The following PPFIA2 variants were observed in gnomAD, a reference collection of about 807,000 sequenced individuals.
PPFIA2 encodes the protein liprin-alpha-2.
In PPFIA2, 46 loss-of-function variants were observed where a neutral mutation model predicts 175.5. The ratio of observed to expected loss-of-function variants is 0.26; its 90% CI spans 0.21 to 0.34. The LOEUF (loss-of-function observed/expected upper bound fraction) is 0.34, where lower values mean the gene tolerates loss of function less well. PPFIA2 is among the 10% of genes least tolerant of loss of function. The pLI, the probability that PPFIA2 is intolerant of heterozygous loss-of-function variation, is 1.00. For synonymous variants in PPFIA2, 568 were observed against 511.4 expected, an observed-to-expected ratio of 1.11 and a Z score of -1.49; for missense variants, 1,179 against 1,506.1, an observed-to-expected ratio of 0.78 and a Z score of 3.60.
intron 4 of PPFIA2, among the ~76,000 whole-genome samples, chr12:81,569,997 C>T (rs1232838391): frequency 6.6e-6 from 1 of 152,116 alleles, no homozygotes; most frequent in African/African-American, 2.4e-5. Context: ...CTCTTTCTCC[C>T]TGTTTCCAAA....
At chr12:81,468,187 AC>A in intron 4 of PPFIA2, among the ~76,000 whole-genome samples, 1 of 152,314 alleles carries the variant, frequency 6.6e-6, no homozygotes. Context: ...AGAGGAACCA[AC>A]CTACTTCTTC....
At chr12:81,535,326 C>T (rs893444414) in intron 4 of PPFIA2, 4 of 449,576 alleles carry the variant, frequency 8.9e-6, no homozygotes, top group East Asian at 7.0e-5. Flanking sequence ...AAGAGGGTTC[C>T]GGAGTTTGGG....
chr12:81,324,650 A>G (rs2054362291), intron 22 of PPFIA2, among the ~76,000 whole-genome samples: 1 of 152,014 alleles, frequency 6.6e-6, no homozygotes, highest in Non-Finnish European at 1.5e-5. Flanking sequence ...AAACGAAGAC[A>G]TTTGAAAAAG....
At chr12:81,467,444 T>A (rs2055882785) in intron 4 of PPFIA2, among the ~76,000 whole-genome samples, 1 of 152,202 alleles carries the variant, frequency 6.6e-6, no homozygotes. Flanking sequence ...ATCCCAGCAC[T>A]GTGGGAGGCC....
At chr12:81,509,195 A>G (rs1385821198) in intron 4 of PPFIA2, among the ~76,000 whole-genome samples, 1 of 152,108 alleles carries the variant, frequency 6.6e-6, no homozygotes, top group African/African-American at 2.4e-5. Flanking sequence ...ATTATCAGTG[A>G]GATGTTTGTT....
intron 4 of PPFIA2, among the ~76,000 whole-genome samples, chr12:81,590,085 T>C (rs2058498775): frequency 6.6e-6 from 1 of 152,170 alleles, no homozygotes; most frequent in Non-Finnish European, 1.5e-5. Flanking sequence ...TGAATGCATA[T>C]AATTGGGTGA....
At chr12:81,469,070 T>C (rs2056269123) in intron 4 of PPFIA2, among the ~76,000 whole-genome samples, 1 of 152,200 alleles carries the variant, frequency 6.6e-6, no homozygotes, top group Non-Finnish European at 1.5e-5. Context: ...CACACTAACA[T>C]GACACGGTGT....
intron 4 of PPFIA2, among the ~76,000 whole-genome samples, chr12:81,617,878 G>T (rs1049964449): frequency 2.0e-5 from 3 of 152,144 alleles, no homozygotes; most frequent in Admixed American, 6.6e-5. Context: ...GAGAAGTGCA[G>T]AAAAACATGT....
At chr12:81,543,397 A>G (rs1256370157) in intron 4 of PPFIA2, among the ~76,000 whole-genome samples, 1 of 152,152 alleles carries the variant, frequency 6.6e-6, no homozygotes, top group Non-Finnish European at 1.5e-5. Flanking sequence ...AAAGTGTGCA[A>G]ATTTTGAGCA....
At chr12:81,497,809 G>T (rs1288079109) in intron 4 of PPFIA2, among the ~76,000 whole-genome samples, 1 of 152,100 alleles carries the variant, frequency 6.6e-6, no homozygotes, top group Non-Finnish European at 1.5e-5. Context: ...AAAATGCTGG[G>T]ATTACAGGCA....
chr12:81,682,414 T>C (rs1489417628), intron 3 of PPFIA2, among the ~76,000 whole-genome samples: 1 of 152,032 alleles, frequency 6.6e-6, no homozygotes, highest in Non-Finnish European at 1.5e-5. Context: ...GGTATTTTGT[T>C]ACAGGAGCCC....
At chr12:81,330,935 C>T (rs2055988009) in intron 21 of PPFIA2, among the ~76,000 whole-genome samples, 1 of 152,208 alleles carries the variant, frequency 6.6e-6, no homozygotes, top group South Asian at 2.1e-4. Flanking sequence ...ATAATTGGAG[C>T]TAAATACTAC....
At chr12:81,574,334 T>C (rs1008799532) in intron 4 of PPFIA2, among the ~76,000 whole-genome samples, 1 of 151,874 alleles carries the variant, frequency 6.6e-6, no homozygotes, top group South Asian at 2.1e-4. Context: ...AATTAGATTA[T>C]ACTTGAGTAC....
chr12:81,301,787 ACT>A (rs1162290117), intron 22 of PPFIA2, among the ~76,000 whole-genome samples: 15 of 152,026 alleles, frequency 9.9e-5, no homozygotes, highest in African/African-American at 2.7e-4. Context: ...TACATGGCTA[ACT>A]CTCTCAGCTA....
chr12:81,733,704 A>T (rs1394908407), intron 3 of PPFIA2, among the ~76,000 whole-genome samples: 1 of 151,732 alleles, frequency 6.6e-6, no homozygotes, highest in African/African-American at 2.4e-5. Flanking sequence ...TACTACACTG[A>T]GTTCTTTGCT....
intron 7 of PPFIA2, among the ~76,000 whole-genome samples, chr12:81,437,422 G>C (rs1020682856): frequency 3.3e-5 from 5 of 152,094 alleles, no homozygotes; most frequent in Non-Finnish European, 2.9e-5. Context: ...ATAGAGACAG[G>C]GTTTCACCGT....
chr12:81,342,649 T>C (rs2058323929), intron 19 of PPFIA2, among the ~76,000 whole-genome samples: 2 of 152,068 alleles, frequency 1.3e-5, no homozygotes, highest in South Asian at 4.1e-4. Flanking sequence ...GTGGAAAACC[T>C]TTTTAAACCC....
chr12:81,702,769 A>C (rs556602046), intron 3 of PPFIA2, among the ~76,000 whole-genome samples: 1 of 152,246 alleles, frequency 6.6e-6, no homozygotes, highest in Admixed American at 6.5e-5. Flanking sequence ...TAGAAGACAG[A>C]GTGTTTTGGA....
rs2076616543 is a variant in PPFIA2 at position 81,702,496 on chromosome 12, T to C, written c.250-25652A>G. ...TTCATTAAATGTCAGTAGCAATTAC[T>C]GAAGTTGTCTACACTCTATTTGTCA... On this transcript the variant is annotated intron_variant, in intron 3 of 32. Coordinates refer to ENST00000549396, the MANE Select transcript of PPFIA2 (RefSeq NM_003625.5). Among the ~76,000 whole-genome samples the C allele has an allele frequency of 1.3e-5, 2 of 152,134 alleles. 1 individual carries two copies. Among genetic ancestry groups the C allele is most frequent in the Admixed American group, 1.3e-4 (2 of 15,268 alleles).
Sources: allele counts gnomAD v4.1 joint callset (sites outside exome capture counted in the v4.1 genomes callset), GRCh38; gene constraint gnomAD v4.1.1; transcripts MANE v1.5; gene names NCBI Gene and HGNC (gene_info 2026-07-23, HGNC 2026-07-21).